CHRM5: variants seen among roughly 807,000 people sequenced by gnomAD.
CHRM5 encodes the protein cholinergic receptor muscarinic 5.
CHRM5 carries 18 observed loss-of-function variants against 39.0 expected under a neutral mutation model. That is an observed-to-expected ratio of 0.46 (90% CI 0.32 to 0.68). The LOEUF (loss-of-function observed/expected upper bound fraction) is 0.68, where lower values mean the gene tolerates loss of function less well. Among genes scored for constraint, CHRM5 ranks in the 30% least tolerant of loss-of-function variants. The probability of loss-of-function intolerance (pLI) is 0.04; values close to 1 mark genes in which losing one functional copy is unlikely to be tolerated. For synonymous variants in CHRM5, 241 were observed against 246.3 expected (o/e 0.98, Z 0.20); for missense variants, 515 against 651.1 (o/e 0.79, Z 2.28).
chr15:33,968,784 G>C lies in CHRM5; in HGVS notation c.-774G>C, dbSNP rs971466343. 2.0e-5 allele frequency: 3 copies of C among 152,102 alleles called. No homozygotes were observed. The highest frequency in any genetic ancestry group is 4.8e-5 in the African/African-American group (2 of 41,440). The allele number at this position is 152,102 out of a possible 1,614,324, so 9.4% of individuals were successfully genotyped here. ...TGTAATTCTGAAATACGAACAAGCA[G>C]AACTTTTCCAGGGGGTCAAATGCAT... On this transcript the variant is annotated 5_prime_UTR_variant, in exon 1 of 3. Transcript: ENST00000383263.
At chr15:34,006,739 GCAGAGA>G (rs1897363166) in intron 1 of CHRM5, among the ~76,000 whole-genome samples, 1 of 152,146 alleles carries the variant, frequency 6.6e-6, no homozygotes, top group Non-Finnish European at 1.5e-5. Flanking sequence ...CTACACAAAT[GCAGAGA>G]CAGAGTTGTC....
At chr15:34,040,282 C>T (rs548230916) in intron 1 of CHRM5, among the ~76,000 whole-genome samples, 1 of 152,240 alleles carries the variant, frequency 6.6e-6, no homozygotes, top group South Asian at 2.1e-4. Flanking sequence ...GTGAGAGATT[C>T]AAGATCAAGG....
At chr15:33,987,986 C>T (rs558917519) in intron 1 of CHRM5, among the ~76,000 whole-genome samples, 2 of 152,308 alleles carry the variant, frequency 1.3e-5, no homozygotes, top group South Asian at 4.1e-4. Flanking sequence ...GAAGGAAAAC[C>T]ACCTGACCAA....
chr15:33,978,131 C>G (rs1440124565), intron 1 of CHRM5, among the ~76,000 whole-genome samples: 1 of 151,980 alleles, frequency 6.6e-6, no homozygotes, highest in Non-Finnish European at 1.5e-5. Context: ...GAAATTCAAC[C>G]AGAAAACCTT....
intron 1 of CHRM5, among the ~76,000 whole-genome samples, chr15:33,970,790 A>C (rs1460546465): frequency 1.3e-5 from 2 of 151,952 alleles, no homozygotes; most frequent in East Asian, 3.8e-4. Flanking sequence ...TTATTTACTC[A>C]TTGTAATGTA....
chr15:33,994,719 A>G (rs1011322277), intron 1 of CHRM5, among the ~76,000 whole-genome samples: 1 of 152,252 alleles, frequency 6.6e-6, no homozygotes, highest in Admixed American at 6.5e-5. Flanking sequence ...CAAGTCTTCA[A>G]AAATTCACTG....
intron 1 of CHRM5, among the ~76,000 whole-genome samples, chr15:34,024,592 T>C (rs1015895327): frequency 1.3e-5 from 2 of 150,740 alleles, no homozygotes; most frequent in Non-Finnish European, 3.0e-5. Flanking sequence ...GTGGCTCACA[T>C]CTGTAATCCC....
chr15:33,984,639 T>G (rs1896341896), intron 1 of CHRM5, among the ~76,000 whole-genome samples: 1 of 152,136 alleles, frequency 6.6e-6, no homozygotes, highest in Admixed American at 6.5e-5. Context: ...TGACCTCAGG[T>G]GATCCACCCG....
chr15:34,054,218 A>G (rs958891155), intron 2 of CHRM5, among the ~76,000 whole-genome samples: 4 of 152,214 alleles, frequency 2.6e-5, no homozygotes, highest in African/African-American at 9.6e-5. Context: ...GAACACTTCT[A>G]CACTGCTGGT....
At chr15:34,055,930 A>T (rs1486853594) in intron 2 of CHRM5, among the ~76,000 whole-genome samples, 2 of 152,216 alleles carry the variant, frequency 1.3e-5, no homozygotes, top group South Asian at 2.1e-4. Flanking sequence ...AGACACACTG[A>T]TTACAAAATC....
At position 34,054,340 on chromosome 15, in the gene CHRM5, G is replaced by C. The variant is rs991133602; in HGVS notation, c.-76+7469G>C. ...ATCTCATTACTGAGTATATACCCAA[G>C]GGACTATAAATCATTCTATCATAAA... On this transcript the variant is annotated intron_variant, in intron 2 of 2. Coordinates refer to ENST00000383263, the MANE Select transcript of CHRM5 (RefSeq NM_012125.4). 1.7e-4 allele frequency among the ~76,000 whole-genome samples: 26 copies of C among 152,092 alleles called. 1 individual carries two copies. The highest frequency in any genetic ancestry group is 4.4e-5 in the Non-Finnish European group (3 of 68,014).
intron 1 of CHRM5, among the ~76,000 whole-genome samples, chr15:34,041,373 C>T (rs1434091178): frequency 2.0e-5 from 3 of 152,116 alleles, no homozygotes; most frequent in African/African-American, 7.2e-5. Context: ...CTTAAATTTG[C>T]CAACATTGAG....
At chr15:33,997,916 G>T (rs1897002027) in intron 1 of CHRM5, among the ~76,000 whole-genome samples, 1 of 151,940 alleles carries the variant, frequency 6.6e-6, no homozygotes. Flanking sequence ...ACTTCATGTG[G>T]GCCCCTATTG....
At chr15:34,021,183 C>G (rs1398238797) in intron 1 of CHRM5, among the ~76,000 whole-genome samples, 5 of 152,056 alleles carry the variant, frequency 3.3e-5, no homozygotes, top group African/African-American at 1.2e-4. Context: ...AAAATTGCAT[C>G]TTTTTCTTTT....
chr15:34,049,616 T>C (rs1899856613), intron 2 of CHRM5, among the ~76,000 whole-genome samples: 1 of 152,086 alleles, frequency 6.6e-6, no homozygotes, highest in African/African-American at 2.4e-5. Context: ...TACTTCAGGA[T>C]ATCAGTCAGG....
At chr15:34,008,087 G>A (rs1225635108) in intron 1 of CHRM5, among the ~76,000 whole-genome samples, 1 of 151,942 alleles carries the variant, frequency 6.6e-6, no homozygotes, top group Non-Finnish European at 1.5e-5. Flanking sequence ...AAAATTCTTG[G>A]AAGAAAAAAT....
intron 1 of CHRM5, among the ~76,000 whole-genome samples, chr15:34,038,176 C>A (rs550990557): frequency 6.6e-6 from 1 of 152,320 alleles, no homozygotes; most frequent in South Asian, 2.1e-4. Flanking sequence ...TCTACACATA[C>A]AGGCATAATA....
In CHRM5 at chr15:33,985,924, G is replaced by C. The variant is rs79918956; in HGVS notation, c.-408+16774G>C. 9.6e-3 allele frequency among the ~76,000 whole-genome samples: 1,459 copies of C among 152,122 alleles called. 24 individuals are homozygous for C. Among genetic ancestry groups the C allele is most frequent in the Non-Finnish European group, 0.012 (814 of 67,998 alleles). On this transcript the variant is annotated intron_variant, in intron 1 of 2. Coordinates refer to ENST00000383263, the MANE Select transcript of CHRM5 (RefSeq NM_012125.4). ...CTGAAAGGTTCATGATTCTCTCAAG[G>C]GCAGAATGCCAGAAAGCCCAGGTGC...
At chr15:34,024,870 A>AG (rs1179299301) in intron 1 of CHRM5, among the ~76,000 whole-genome samples, 1 of 147,988 alleles carries the variant, frequency 6.8e-6, no homozygotes, top group Non-Finnish European at 1.5e-5. Context: ...CAAAAAAAAA[A>AG]GGAAAAAATA....
Sources: gnomAD v4.1 joint callset for allele counts (sites outside exome capture counted in the v4.1 genomes callset) on GRCh38, gnomAD v4.1.1 for gene constraint, MANE v1.5 for transcripts, NCBI Gene and HGNC (gene_info 2026-07-23, HGNC 2026-07-21) for gene names.